Variants in ST8SIA1 observed in about 807,000 individuals in gnomAD.
ST8SIA1 encodes the protein alpha-N-acetylneuraminide alpha-2,8-sialyltransferase.
ST8SIA1 carries 16 observed loss-of-function variants against 35.9 expected under a neutral mutation model. The ratio of observed to expected loss-of-function variants is 0.45; its 90% CI spans 0.30 to 0.68. ST8SIA1 has a LOEUF of 0.68. Ranked by LOEUF, ST8SIA1 falls within the 30% of genes least tolerant of loss-of-function variation. The pLI is 0.09. For missense variants in ST8SIA1, 383 were observed against 453.6 expected (o/e 0.84, Z 1.41); for synonymous variants, 170 against 169.6 (o/e 1.00, Z -0.02).
At chr12:22,202,421 A>G (rs1325938857) in intron 4 of ST8SIA1, among the ~76,000 whole-genome samples, 1 of 152,252 alleles carries the variant, frequency 6.6e-6, no homozygotes, top group Non-Finnish European at 1.5e-5. Flanking sequence ...CATAACCACA[A>G]GACTGGTTTC....
intron 4 of ST8SIA1, among the ~76,000 whole-genome samples, chr12:22,216,468 A>G (rs1384185148): frequency 6.6e-6 from 1 of 152,170 alleles, no homozygotes; most frequent in Non-Finnish European, 1.5e-5. Context: ...TCTAAAGTGA[A>G]TGCCCCCTTT....
chr12:22,321,003 G>GAAAGAAAGA lies in ST8SIA1; in HGVS notation c.236+12993_236+12994insTCTTTCTTT, dbSNP rs377218947. On this transcript the variant is annotated intron_variant, in intron 1 of 4. Coordinates refer to ENST00000396037, the MANE Select transcript of ST8SIA1 (RefSeq NM_003034.4). ...AGAAAGAAAGAAAGAAAGAAAGAAA[G>GAAAGAAAGA]AAGAAAGAAAGAAAGAAAGAAAGAA... Among the ~76,000 whole-genome samples, 192 of 76,538 alleles carry GAAAGAAAGA rather than the reference G, an allele frequency of 2.5e-3. 1 individual carries two copies. The highest frequency in any genetic ancestry group is 3.1e-3 in the Non-Finnish European group (115 of 37,406). The allele number at this position is 76,538 out of a possible 152,430, so 50.2% of individuals were successfully genotyped here.
Position 22,231,688 on chromosome 12 carries a change from C to T in ST8SIA1, c.584+17318G>A, listed in dbSNP as rs549175165. 2.0e-4 allele frequency among the ~76,000 whole-genome samples: 30 copies of T among 152,144 alleles called. No homozygotes were observed. In the East Asian group the frequency reaches 5.0e-3, roughly 25 times the overall value. ...TCCCGGGTTCACGCCATTCTCCTGCCTCAGCCCCCCGAGTAGCTGGGACTA... is the reference window on the plus strand; with the variant it reads ...TCCCGGGTTCACGCCATTCTCCTGCTTCAGCCCCCCGAGTAGCTGGGACTA... On this transcript the variant is annotated intron_variant, in intron 4 of 4. Transcript: ENST00000396037.
chr12:22,223,604 T>C (rs2120668715), intron 4 of ST8SIA1: 7 of 1,122,286 alleles, frequency 6.2e-6, no homozygotes, highest in Non-Finnish European at 7.7e-6. Context: ...AGCATGAGTC[T>C]GGAGTGAGCA....
At chr12:22,269,496 A>T (rs780685438) in intron 2 of ST8SIA1, among the ~76,000 whole-genome samples, 7 of 152,202 alleles carry the variant, frequency 4.6e-5, no homozygotes, top group Non-Finnish European at 8.8e-5. Context: ...TTATTTAACA[A>T]GATATTATGG....
In ST8SIA1 at chr12:22,287,150, T is replaced by G. The variant is rs199907083; in HGVS notation, c.380A>C (p.Gln127Pro). ...IDNSTYSLFP[Q>P]ATPFQLPLKK... ...GAAGGCAACCAACTCTATACTAACC[T>G]GTGGGAAGAGAGAGTAAGTTGAATT... The change falls in exon 2 of 5, where the codon CAG (glutamine) becomes CCG (proline). Residue 127 changes from glutamine (Q) to proline (P), a missense_variant and splice_region_variant. Coordinates refer to ENST00000396037, the MANE Select transcript of ST8SIA1 (RefSeq NM_003034.4). The G allele has an allele frequency of 2.6e-5, 42 of 1,613,538 alleles. No individual in the cohort carries two copies. Among genetic ancestry groups the G allele is most frequent in the Non-Finnish European group, 3.4e-5 (40 of 1,179,724 alleles).
At chr12:22,241,039 T>C (rs1049425975) in intron 4 of ST8SIA1, among the ~76,000 whole-genome samples, 4 of 149,272 alleles carry the variant, frequency 2.7e-5, no homozygotes, top group African/African-American at 9.9e-5. Context: ...ACTGCAATCA[T>C]GGCTAACCTT....
At chr12:22,310,346 A>C (rs1866434192) in intron 1 of ST8SIA1, among the ~76,000 whole-genome samples, 1 of 152,182 alleles carries the variant, frequency 6.6e-6, no homozygotes, top group African/African-American at 2.4e-5. Context: ...AGCCCAGCTG[A>C]AGCCCAGGTC....
At chr12:22,246,821 T>G (rs938208340) in intron 4 of ST8SIA1, among the ~76,000 whole-genome samples, 2 of 152,142 alleles carry the variant, frequency 1.3e-5, no homozygotes, top group Non-Finnish European at 2.9e-5. Context: ...TTAAAATAGC[T>G]TCTGTCTATT....
chr12:22,249,680 A>G (rs1311929552), intron 3 of ST8SIA1, among the ~76,000 whole-genome samples: 1 of 152,204 alleles, frequency 6.6e-6, no homozygotes, highest in Non-Finnish European at 1.5e-5. Flanking sequence ...GGGGCAAATT[A>G]TCTACAAAAA....
At chr12:22,204,190 A>AG (rs1865081233) in intron 4 of ST8SIA1, among the ~76,000 whole-genome samples, 2 of 151,842 alleles carry the variant, frequency 1.3e-5, no homozygotes, top group East Asian at 3.9e-4. Context: ...CAAAAAAAAA[A>AG]TCAACCTCTC....
intron 3 of ST8SIA1, among the ~76,000 whole-genome samples, chr12:22,251,570 AC>A (rs1286472830): frequency 6.6e-6 from 1 of 152,228 alleles, no homozygotes; most frequent in Non-Finnish European, 1.5e-5. Flanking sequence ...GGAAAAGCAC[AC>A]CAATAATTTT....
At chr12:22,250,558 T>C (rs1865657268) in intron 3 of ST8SIA1, among the ~76,000 whole-genome samples, 1 of 152,218 alleles carries the variant, frequency 6.6e-6, no homozygotes. Context: ...TCTGTAACTT[T>C]TTATTACTTC....
chr12:22,204,027 T>C (rs545989839), intron 4 of ST8SIA1, among the ~76,000 whole-genome samples: 29 of 152,174 alleles, frequency 1.9e-4, no homozygotes, highest in Non-Finnish European at 3.5e-4. Flanking sequence ...TGTCTGGCTT[T>C]CTGCATCCAT....
In ST8SIA1 at chr12:22,324,382, GA is replaced by G. The variant is rs1206193799; in HGVS notation, c.236+9614del. 4 of 152,136 alleles carry G rather than the reference GA, an allele frequency of 2.6e-5. No individual in the cohort carries two copies. In the East Asian group the frequency reaches 5.8e-4, roughly 22 times the overall value. The allele number at this position is 152,136 out of a possible 1,614,324, so 9.4% of individuals were successfully genotyped here. On this transcript the variant is annotated intron_variant, in intron 1 of 4. Transcript: ENST00000396037. Reference sequence around the variant, plus strand: ...GTGTTTAAGATGTATACAAAAGGATGATCACCACATCTTTATTCATAAAAGT... The same window carrying G: ...GTGTTTAAGATGTATACAAAAGGATGTCACCACATCTTTATTCATAAAAGT...
At chr12:22,240,234 G>T (rs1031173618) in intron 4 of ST8SIA1, among the ~76,000 whole-genome samples, 6 of 151,924 alleles carry the variant, frequency 3.9e-5, no homozygotes, top group Non-Finnish European at 7.4e-5. Flanking sequence ...AGTAACTAAG[G>T]TTACATAGCT....
At chr12:22,220,100 CAA>C (rs1273862776) in intron 4 of ST8SIA1, among the ~76,000 whole-genome samples, 2 of 152,118 alleles carry the variant, frequency 1.3e-5, no homozygotes, top group African/African-American at 4.8e-5. Flanking sequence ...ATAAGCCCAG[CAA>C]AATGATTCCT....
At position 22,297,384 on chromosome 12, in the gene ST8SIA1, C is replaced by T. The variant is rs73251961; in HGVS notation, c.237-10091G>A. Among the ~76,000 whole-genome samples, 118 of 150,652 alleles carry T rather than the reference C, an allele frequency of 7.8e-4. 1 individual carries two copies. Among genetic ancestry groups the T allele is most frequent in the African/African-American group, 2.7e-3 (110 of 40,962 alleles). On this transcript the variant is annotated intron_variant, in intron 1 of 4. Transcript: ENST00000396037. Reference sequence around the variant, plus strand: ...TACTAGATACAGGACTGGACAGTAGCGTCTGTCCTGAAATTTTTCCAGATC... The same window carrying T: ...TACTAGATACAGGACTGGACAGTAGTGTCTGTCCTGAAATTTTTCCAGATC...
intron 4 of ST8SIA1, among the ~76,000 whole-genome samples, chr12:22,241,496 T>A (rs888452881): frequency 6.6e-6 from 1 of 151,832 alleles, no homozygotes; most frequent in African/African-American, 2.4e-5. Flanking sequence ...TACAGAGGCC[T>A]CCCCAGTTGC....
Sources: allele counts gnomAD v4.1 joint callset (sites outside exome capture counted in the v4.1 genomes callset), GRCh38; gene constraint gnomAD v4.1.1; transcripts MANE v1.5; gene names NCBI Gene and HGNC (gene_info 2026-07-23, HGNC 2026-07-21).